Variants in ALPK2 observed in about 807,000 individuals in gnomAD.
The protein encoded by ALPK2 is alpha kinase 2, also known as alpha-protein kinase 2.
In ALPK2, 127 loss-of-function variants were observed where a neutral mutation model predicts 163.1. The observed-to-expected ratio is 0.78, with a 90% confidence interval of 0.67 to 0.90. ALPK2 has a LOEUF of 0.90. Among genes scored for constraint, ALPK2 ranks in the 40% least tolerant of loss-of-function variants. The probability of loss-of-function intolerance (pLI) is 0.00; values close to 1 mark genes in which losing one functional copy is unlikely to be tolerated. For synonymous variants in ALPK2, 953 were observed against 959.1 expected (o/e 0.99, Z 0.12); for missense variants, 2,360 against 2,589.6 (o/e 0.91, Z 1.92).
chr18:58,531,624 C>T (rs1445494541), intron 5 of ALPK2, among the ~76,000 whole-genome samples: 1 of 116,502 alleles, frequency 8.6e-6, no homozygotes, highest in African/African-American at 3.2e-5. Context: ...AAAACCGTAA[C>T]GAACAACTAG....
At position 58,535,118 on chromosome 18, in the gene ALPK2, G is replaced by A. The variant is rs1467961182; in HGVS notation, c.5069C>T (p.Ser1690Phe). 2 of 1,613,930 alleles carry A rather than the reference G, an allele frequency of 1.2e-6. No individual in the cohort carries two copies. The highest frequency in any genetic ancestry group is 2.7e-5 in the African/African-American group (2 of 74,878). Residue 1690 changes from serine to phenylalanine, a missense_variant, in exon 5 of 13, where the codon TCC (serine) becomes TTC (phenylalanine). Physicochemically the swap from Ser to Phe is radical, Grantham distance 155. Transcript: ENST00000361673. ...CGATTTGCCTGCTCGGGCTTCCAGG[G>A]ACTTCTCTCTCTCCCTGGACTTTTT... ...CAKKSREREK[S>F]LEARAGKSPG...
intron 4 of ALPK2, among the ~76,000 whole-genome samples, chr18:58,564,214 C>T (rs1458653025): frequency 1.4e-5 from 2 of 147,578 alleles, no homozygotes; most frequent in Non-Finnish European, 1.5e-5. Flanking sequence ...CCTCTGCCTC[C>T]CTGGTTCAAG....
At position 58,535,432 on chromosome 18, in the gene ALPK2, T is replaced by A; in HGVS notation, c.4755A>T (p.Ser1585=). ...CATTCTCAATAGTTCCCCTTTTCTGTGAAACAGGAAACACATACTGACGCT... is the reference window on the plus strand; with the variant it reads ...CATTCTCAATAGTTCCCCTTTTCTGAGAAACAGGAAACACATACTGACGCT... ...PRKRQYVFPV[S]QKRGTIENER... is the part of the protein sequence containing the mutation. The change falls in exon 5 of 13, where the codon TCA becomes TCT. Residue 1585 remains serine, a synonymous_variant. Coordinates refer to ENST00000361673, the MANE Select transcript of ALPK2 (RefSeq NM_052947.4). 6 of 1,614,186 alleles carry A rather than the reference T, an allele frequency of 3.7e-6. No individual in the cohort carries two copies. The highest frequency in any genetic ancestry group is 5.1e-6 in the Non-Finnish European group (6 of 1,180,014).
At chr18:58,612,335 T>G (rs1602240123) in intron 1 of ALPK2, among the ~76,000 whole-genome samples, 1 of 152,220 alleles carries the variant, frequency 6.6e-6, no homozygotes, top group Admixed American at 6.5e-5. Flanking sequence ...AAAAAACATG[T>G]CAGTTGTGTT....
At chr18:58,602,053 G>A (rs1225861474) in intron 3 of ALPK2, among the ~76,000 whole-genome samples, 1 of 152,178 alleles carries the variant, frequency 6.6e-6, no homozygotes, top group Non-Finnish European at 1.5e-5. Flanking sequence ...TCCCCTGGGG[G>A]AAAAACACAA....
chr18:58,573,290 ATG>A (rs2051897574), intron 4 of ALPK2, among the ~76,000 whole-genome samples: 1 of 147,024 alleles, frequency 6.8e-6, no homozygotes, highest in Non-Finnish European at 1.5e-5. Flanking sequence ...ATGTGTATAT[ATG>A]TATATATGTG....
chr18:58,613,663 C>T (rs2052147363), intron 1 of ALPK2, among the ~76,000 whole-genome samples: 2 of 149,682 alleles, frequency 1.3e-5, no homozygotes, highest in South Asian at 2.1e-4. Context: ...CACGCCACTG[C>T]ACTCCAGCCT....
chr18:58,571,061 C>T (rs562603441), intron 4 of ALPK2, among the ~76,000 whole-genome samples: 185 of 152,234 alleles, frequency 1.2e-3, no homozygotes, highest in Non-Finnish European at 2.0e-3. Context: ...GAGTCTCGCT[C>T]TGTGGCCCAT....
chr18:58,497,094 A>G (rs1044636216), intron 12 of ALPK2, among the ~76,000 whole-genome samples: 3 of 152,184 alleles, frequency 2.0e-5, no homozygotes, highest in Non-Finnish European at 2.9e-5. Context: ...CTGCCTCCCA[A>G]CTGGCCCTGC....
chr18:58,613,570 G>A (rs964974836), intron 1 of ALPK2, among the ~76,000 whole-genome samples: 2 of 151,884 alleles, frequency 1.3e-5, no homozygotes, highest in African/African-American at 4.8e-5. Context: ...ACTCGTTCCT[G>A]TAATCCCAGC....
At chr18:58,610,227 T>C (rs968846656) in intron 2 of ALPK2, among the ~76,000 whole-genome samples, 1 of 147,716 alleles carries the variant, frequency 6.8e-6, no homozygotes, top group Non-Finnish European at 1.5e-5. Flanking sequence ...AGAGCTGAGA[T>C]TGTGCCACTG....
chr18:58,499,740 T>A (rs1341040072), intron 11 of ALPK2, among the ~76,000 whole-genome samples: 1 of 152,212 alleles, frequency 6.6e-6, no homozygotes, highest in African/African-American at 2.4e-5. Flanking sequence ...CCTCTTGGGC[T>A]CCATGGGCCG....
At chr18:58,512,998 TTG>T (rs1236420394) in intron 10 of ALPK2, among the ~76,000 whole-genome samples, 10 of 135,408 alleles carry the variant, frequency 7.4e-5, no homozygotes, top group African/African-American at 2.9e-4. Flanking sequence ...GTGGTGTGTG[TTG>T]TGTGTTTATG....
At chr18:58,508,956 C>T (rs896151434) in intron 10 of ALPK2, among the ~76,000 whole-genome samples, 65 of 151,600 alleles carry the variant, frequency 4.3e-4, no homozygotes, top group African/African-American at 1.5e-3. Flanking sequence ...CATATGTATA[C>T]ATGTGCCATG....
intron 10 of ALPK2, among the ~76,000 whole-genome samples, chr18:58,510,858 C>A (rs1020161059): frequency 1.3e-5 from 2 of 152,172 alleles, no homozygotes; most frequent in Non-Finnish European, 2.9e-5. Context: ...TTCTCTTTTC[C>A]TAATTGAATA....
chr18:58,586,999 A>G (rs2051990378), intron 3 of ALPK2, among the ~76,000 whole-genome samples: 1 of 152,154 alleles, frequency 6.6e-6, no homozygotes, highest in African/African-American at 2.4e-5. Flanking sequence ...AGACCTGAGA[A>G]AATTCTGAGC....
rs776249868 is a variant in ALPK2, at chr18:58,535,474, G to C, written c.4713C>G (p.Asp1571Glu). ...TGQIHDVPEN[D>E]IVEPRKRQYV... Reference sequence around the variant, plus strand: ...ACTGACGCTTTCTGGGCTCAACTATGTCATTTTCAGGGACGTCATGAATTT... The same window carrying C: ...ACTGACGCTTTCTGGGCTCAACTATCTCATTTTCAGGGACGTCATGAATTT... The change falls in exon 5 of 13, where the codon GAC becomes GAG. Residue 1571 changes from aspartate to glutamate, a missense_variant. Asp to Glu is a conservative substitution (Grantham distance 45, BLOSUM62 2). Coordinates refer to ENST00000361673, the MANE Select transcript of ALPK2 (RefSeq NM_052947.4). The C allele has an allele frequency of 5.0e-6, 8 of 1,614,092 alleles. No homozygotes were observed. The highest frequency in any genetic ancestry group is 1.7e-5 in the Admixed American group (1 of 60,006).
At chr18:58,485,421 G>A (rs1019528759) in intron 12 of ALPK2, among the ~76,000 whole-genome samples, 4 of 152,144 alleles carry the variant, frequency 2.6e-5, no homozygotes, top group African/African-American at 9.7e-5. Context: ...AAGCTAAAGC[G>A]GCAGCCTGCA....
chr18:58,538,143 G>C lies in ALPK2; in HGVS notation c.2044C>G (p.Pro682Ala). Residue 682 changes from proline to alanine, a missense_variant, in exon 5 of 13, where the codon CCA becomes GCA. Transcript: ENST00000361673. ...GAAATTGTTGTGGTCCCAGTGAATG[G>C]GGACTCCTCCCCAGCAGGCTCTGAG... ...AFSEPAGEES[P>A]FTGTTTISFS... is the part of the protein sequence containing the mutation. 1 of 1,614,010 alleles carries C rather than the reference G, an allele frequency of 6.2e-7. No homozygotes were observed.
Sources: gnomAD v4.1 joint callset for allele counts (sites outside exome capture counted in the v4.1 genomes callset) on GRCh38, gnomAD v4.1.1 for gene constraint, MANE v1.5 for transcripts, NCBI Gene and HGNC (gene_info 2026-07-23, HGNC 2026-07-21) for gene names.